Variants in COMMD5 observed in about 807,000 individuals in gnomAD.
COMMD5 encodes the protein COMM domain containing 5, also known as COMM domain-containing protein 5.
Under a neutral mutation model 6.9 loss-of-function variants are expected in COMMD5, and 10 were observed. The observed-to-expected ratio is 1.44, with a 90% CI of 0.89 to 2.45. COMMD5 has a LOEUF of 2.45. Among genes scored for constraint, COMMD5 ranks in the 30% most tolerant of loss-of-function variants. COMMD5 has a pLI of 0.00. For synonymous variants in COMMD5, 127 were observed against 125.3 expected (o/e 1.01, Z -0.09); for missense variants, 234 against 287.8 (o/e 0.81, Z 1.35).
chr8:144,843,049 C>T (rs1262667605), intron 1 of COMMD5: 1 of 1,614,054 alleles, frequency 6.2e-7, no homozygotes, highest in African/African-American at 1.3e-5. Flanking sequence ...GTGGCGTTCA[C>T]ACCTAATTAT....
chr8:144,845,947 C>T, downstream of COMMD5: 2 of 1,533,550 alleles, frequency 1.3e-6, no homozygotes, highest in South Asian at 1.2e-5. Flanking sequence ...AGGTCTAGCA[C>T]AGGGGTTGCT....
At chr8:144,844,443 G>T (rs1005753426) in intron 1 of COMMD5, among the ~76,000 whole-genome samples, 4 of 152,184 alleles carry the variant, frequency 2.6e-5, no homozygotes, top group African/African-American at 7.2e-5. Flanking sequence ...GGGCGTGGTG[G>T]CTCACGCCTG....
At chr8:144,838,380 G>A, downstream of COMMD5, 3 of 489,948 alleles carry the variant, frequency 6.1e-6, no homozygotes, top group Non-Finnish European at 1.1e-5. Context: ...GCCCTAACCA[G>A]GGCACCCACT....
At chr8:144,845,400 T>G (rs769968537), downstream of COMMD5, among the ~76,000 whole-genome samples, 1 of 151,938 alleles carries the variant, frequency 6.6e-6, no homozygotes, top group African/African-American at 2.4e-5. Context: ...TTTTTTTTGC[T>G]GCTGACACAA....
At chr8:144,841,253 G>A (rs1829868330) in exon 2 of COMMD5, 2 of 1,226,222 alleles carry the variant, frequency 1.6e-6, no homozygotes, top group African/African-American at 1.5e-5. Flanking sequence ...AGTGCTCAGT[G>A]CAACTATCCT....
upstream of COMMD5, chr8:144,853,205 T>TA (rs1163471525): frequency 4.0e-5 from 6 of 150,608 alleles, no homozygotes; most frequent in Non-Finnish European, 7.4e-5. Context: ...GACCTCGTCT[T>TA]AGACAGTTTT....
Position 144,844,610 on chromosome 8 carries a change from T to TG in COMMD5, c.*117-2868_*117-2867insC, listed in dbSNP as rs564002626. Among the ~76,000 whole-genome samples, 860 of 147,500 alleles carry TG rather than the reference T, an allele frequency of 5.8e-3. 13 individuals are homozygous for TG. The highest frequency in any genetic ancestry group is 0.02 in the African/African-American group (796 of 39,806). On this transcript the variant is annotated intron_variant and NMD_transcript_variant, in intron 1 of 1. Transcript: ENST00000530332. ...CTGTAGTCTCAGCTACTTGGGAGGC[T>TG]AGGCAGGAAAATGGTGTGAACCTGG...
Position 144,850,594 on chromosome 8 carries a change from C to G in COMMD5, c.*70G>C. On this transcript the variant is annotated 3_prime_UTR_variant, in exon 2 of 2. Coordinates refer to ENST00000305103, the MANE Select transcript of COMMD5 (RefSeq NM_014066.4). This position sits in a 1 kb window ranked among gnomAD's most constrained non-coding sequence, Gnocchi z 4.0. ...AGGGCAGGGCTGTCGTGGGAAGAGT[C>G]AGCTGCACTTTGGCACCATCTCAGG... The G allele has an allele frequency of 6.5e-7, 1 of 1,527,160 alleles. No homozygotes were observed. The highest frequency in any genetic ancestry group is 8.9e-7 in the Non-Finnish European group (1 of 1,125,190). The allele number at this position is 1,527,160 out of a possible 1,614,324, so 94.6% of individuals were successfully genotyped here. A position where few individuals can be genotyped will look rare whatever the true frequency, so the allele number is the denominator to read the frequency against.
chr8:144,842,610 CTG>C (rs1231438962), intron 1 of COMMD5: 16 of 1,614,020 alleles, frequency 9.9e-6, no homozygotes, highest in Non-Finnish European at 1.3e-5. Flanking sequence ...TGTGTAATGA[CTG>C]TGGAAAAGCC....
At chr8:144,846,311 CA>C, downstream of COMMD5, 1 of 858,316 alleles carries the variant, frequency 1.2e-6, no homozygotes. Context: ...GGTCCTAAGT[CA>C]GGGGCTGGCA....
downstream of COMMD5, among the ~76,000 whole-genome samples, chr8:144,845,218 G>C (rs1485764250): frequency 1.3e-5 from 2 of 152,304 alleles, no homozygotes; most frequent in South Asian, 4.1e-4. Flanking sequence ...CCACCTAGGA[G>C]GGGACGGCAG....
At chr8:144,844,743 T>C (rs1215016951) in intron 1 of COMMD5, among the ~76,000 whole-genome samples, 2 of 86,602 alleles carry the variant, frequency 2.3e-5, no homozygotes, top group Non-Finnish European at 4.8e-5. Context: ...AAAACGAAAA[T>C]GGGATGGAAA....
downstream of COMMD5, chr8:144,838,278 G>T (rs991096870): frequency 5.0e-6 from 3 of 599,378 alleles, no homozygotes; most frequent in Admixed American, 5.5e-5. Context: ...TGACCTCATG[G>T]TGACTAATTA....
At chr8:144,842,084 G>T in intron 1 of COMMD5, 3 of 1,614,148 alleles carry the variant, frequency 1.9e-6, no homozygotes, top group Non-Finnish European at 2.5e-6. Flanking sequence ...CACCATCAGA[G>T]AATCCACACA....
In COMMD5 at chr8:144,852,905, GC is replaced by G. The variant is rs920916602; in HGVS notation, c.-125del. ...GCTCTCCGAACACAGCGGCGAAGCA[GC>G]CTTTCCTAGGCCCACACCCCCAGCT... On this transcript the variant is annotated 5_prime_UTR_variant, in exon 1 of 2. It removes the in-frame stop codon of an upstream open reading frame in the 5' UTR. Transcript: ENST00000305103. 1 of 152,422 alleles carries G rather than the reference GC, an allele frequency of 6.6e-6. No individual in the cohort carries two copies. Among genetic ancestry groups the G allele is most frequent in the African/African-American group, 2.4e-5 (1 of 41,478 alleles). 9.4% of individuals were successfully genotyped at this position (152,422 alleles called of 1,614,324 possible).
chr8:144,840,954 C>T (rs528117562), downstream of COMMD5: 1 of 196,342 alleles, frequency 5.1e-6, no homozygotes, highest in African/African-American at 2.4e-5. Context: ...AGAACTCAGA[C>T]CCTGTACTGT....
At chr8:144,843,330 C>CTG (rs903115128) in intron 1 of COMMD5, 44 of 858,918 alleles carry the variant, frequency 5.1e-5, no homozygotes, top group Non-Finnish European at 6.8e-5. Context: ...TGGCTTATGC[C>CTG]TGTCATCCCA....
At chr8:144,843,109 G>A (rs1403676577) in intron 1 of COMMD5, 13 of 1,611,372 alleles carry the variant, frequency 8.1e-6, no homozygotes, top group South Asian at 1.1e-5. Flanking sequence ...CAATGACTGT[G>A]GCAAAGCTTT....
At chr8:144,845,837 TC>T (rs1830480896), downstream of COMMD5, 1 of 765,688 alleles carries the variant, frequency 1.3e-6, no homozygotes, top group Non-Finnish European at 2.1e-6. Flanking sequence ...CACCGGAACT[TC>T]TGTGCACGTG....
Sources: allele counts gnomAD v4.1 joint callset (sites outside exome capture counted in the v4.1 genomes callset), GRCh38; gene constraint gnomAD v4.1.1; non-coding constraint Gnocchi (gnomAD v3.1); transcripts MANE v1.5; gene names NCBI Gene and HGNC (gene_info 2026-07-23, HGNC 2026-07-21).